EXOC4: variants seen among roughly 807,000 people sequenced by gnomAD.
EXOC4 encodes SEC8-like 1.
In EXOC4, 71 loss-of-function variants were observed where a neutral mutation model predicts 107.2. The observed-to-expected ratio is 0.66, with a 90% CI of 0.55 to 0.81. The LOEUF is 0.81. Ranked by LOEUF, EXOC4 falls within the 30% of genes least tolerant of loss-of-function variation. The pLI, the probability that EXOC4 is intolerant of heterozygous loss-of-function variation, is 0.00. For synonymous variants in EXOC4, 456 were observed against 441.2 expected (o/e 1.03, Z -0.42); for missense variants, 1,108 against 1,189.6 (o/e 0.93, Z 1.01).
chr7:133,410,380 G>A (rs577687017), intron 7 of EXOC4, among the ~76,000 whole-genome samples: 1 of 152,204 alleles, frequency 6.6e-6, no homozygotes, highest in Non-Finnish European at 1.5e-5. Context: ...ATGTATATCT[G>A]TGTGTGTGAT....
chr7:133,411,259 A>G (rs1459383247), intron 7 of EXOC4, among the ~76,000 whole-genome samples: 2 of 152,230 alleles, frequency 1.3e-5, no homozygotes, highest in Non-Finnish European at 2.9e-5. Context: ...TTTTGTAAAA[A>G]ATAGTTAAAC....
intron 17 of EXOC4, among the ~76,000 whole-genome samples, chr7:134,034,943 A>G (rs1795353270): frequency 6.6e-6 from 1 of 152,208 alleles, no homozygotes; most frequent in Admixed American, 6.5e-5. Context: ...TCACCCAGCA[A>G]AAGTAAGAAT....
chr7:133,702,085 C>G lies in EXOC4; in HGVS notation c.1514+71944C>G, dbSNP rs556818416. Among the ~76,000 whole-genome samples, 6 of 147,004 alleles carry G rather than the reference C, an allele frequency of 4.1e-5. No homozygotes were observed. The Admixed American group carries it at 4.1e-4, about 10-fold the overall frequency. ...TGGTGATCTTGGCTCACTGCAGCCT[C>G]GACCTCCCACACTCAAGTGATCATC... On this transcript the variant is annotated intron_variant, in intron 10 of 17. Coordinates refer to ENST00000253861, the MANE Select transcript of EXOC4 (RefSeq NM_021807.4).
At chr7:133,848,579 C>A (rs941620528) in intron 11 of EXOC4, among the ~76,000 whole-genome samples, 1 of 152,094 alleles carries the variant, frequency 6.6e-6, no homozygotes, top group Non-Finnish European at 1.5e-5. Context: ...AGTTATTGTC[C>A]CTGAATGCAC....
chr7:133,359,828 T>G (rs1352229666), intron 6 of EXOC4, among the ~76,000 whole-genome samples: 1 of 152,242 alleles, frequency 6.6e-6, no homozygotes, highest in Non-Finnish European at 1.5e-5. Flanking sequence ...AGCCAGTTTT[T>G]TAAAAAATCA....
chr7:133,833,997 A>G (rs1297640909), intron 11 of EXOC4, among the ~76,000 whole-genome samples: 1 of 152,190 alleles, frequency 6.6e-6, no homozygotes, highest in East Asian at 1.9e-4. Flanking sequence ...TGGAACACAC[A>G]GGAAGGGGTA....
chr7:133,691,924 A>G (rs939364814), intron 10 of EXOC4, among the ~76,000 whole-genome samples: 4 of 152,122 alleles, frequency 2.6e-5, no homozygotes, highest in East Asian at 1.9e-4. Flanking sequence ...CCCTTTGACC[A>G]TCTCCACTGT....
intron 11 of EXOC4, among the ~76,000 whole-genome samples, chr7:133,837,177 T>A (rs116559143): frequency 6.6e-6 from 1 of 152,200 alleles, no homozygotes; most frequent in African/African-American, 2.4e-5. Context: ...GCCTACTATG[T>A]GCCAGGGACA....
chr7:133,403,770 A>T (rs563746777), intron 7 of EXOC4, among the ~76,000 whole-genome samples: 5 of 152,244 alleles, frequency 3.3e-5, no homozygotes, highest in South Asian at 2.1e-4. Flanking sequence ...TCTCTAAAAA[A>T]TTTTTTTAAA....
intron 9 of EXOC4, among the ~76,000 whole-genome samples, chr7:133,493,379 G>A (rs1363820066): frequency 6.6e-6 from 1 of 152,210 alleles, no homozygotes; most frequent in Non-Finnish European, 1.5e-5. Flanking sequence ...AGAGGTTGCA[G>A]TGAGCCAAGA....
At chr7:133,439,768 G>A (rs1166784903) in intron 7 of EXOC4, among the ~76,000 whole-genome samples, 1 of 152,098 alleles carries the variant, frequency 6.6e-6, no homozygotes, top group Admixed American at 6.5e-5. Context: ...AAGCAAAGAT[G>A]TAGGAGGAGA....
chr7:133,517,237 T>C (rs1029807400), intron 9 of EXOC4, among the ~76,000 whole-genome samples: 2 of 152,198 alleles, frequency 1.3e-5, no homozygotes, highest in South Asian at 2.1e-4. Flanking sequence ...GTTATGGCAG[T>C]TCCACAATGA....
At chr7:133,653,990 A>G (rs189891545) in intron 10 of EXOC4, among the ~76,000 whole-genome samples, 1 of 152,322 alleles carries the variant, frequency 6.6e-6, no homozygotes, top group Non-Finnish European at 1.5e-5. Flanking sequence ...AGGTAGGGAT[A>G]GTCATGGAAG....
chr7:134,093,335 A>T, the EXOC4 span, among the ~76,000 whole-genome samples: 1 of 152,226 alleles, frequency 6.6e-6, no homozygotes, highest in Admixed American at 6.5e-5. Flanking sequence ...GAAGGGCATT[A>T]CATAATGATA....
chr7:133,283,754 C>A (rs1384497650), intron 2 of EXOC4, among the ~76,000 whole-genome samples: 1 of 152,196 alleles, frequency 6.6e-6, no homozygotes, highest in Non-Finnish European at 1.5e-5. Flanking sequence ...TTTTTGCGGT[C>A]AGTTCTCTCT....
chr7:133,298,076 C>T (rs184942006), intron 3 of EXOC4, among the ~76,000 whole-genome samples: 1 of 152,270 alleles, frequency 6.6e-6, no homozygotes, highest in African/African-American at 2.4e-5. Context: ...TGATGATGGT[C>T]TGAGAATGCT....
chr7:133,452,842 T>A (rs905380912), intron 7 of EXOC4, among the ~76,000 whole-genome samples: 31 of 152,078 alleles, frequency 2.0e-4, no homozygotes, highest in African/African-American at 6.8e-4. Flanking sequence ...TATATGTGTG[T>A]TCAAAATTCT....
intron 17 of EXOC4, among the ~76,000 whole-genome samples, chr7:134,062,141 T>C (rs184369278): frequency 2.7e-3 from 417 of 152,330 alleles, no homozygotes; most frequent in Middle Eastern, 0.01. Flanking sequence ...TACACAAGGA[T>C]GCTGACTGAT....
At chr7:134,028,277 G>T (rs1404861679) in intron 17 of EXOC4, among the ~76,000 whole-genome samples, 2 of 152,174 alleles carry the variant, frequency 1.3e-5, no homozygotes, top group African/African-American at 4.8e-5. Flanking sequence ...AGTCCTTGTT[G>T]CTAAGTAAAT....
Sources: gnomAD v4.1 joint callset for allele counts (sites outside exome capture counted in the v4.1 genomes callset) on GRCh38, gnomAD v4.1.1 for gene constraint, MANE v1.5 for transcripts, NCBI Gene and HGNC (gene_info 2026-07-23, HGNC 2026-07-21) for gene names.